KLF12: variants seen among roughly 807,000 people sequenced by gnomAD.
The protein encoded by KLF12 is KLF transcription factor 12.
KLF12 carries 9 observed loss-of-function variants against 37.8 expected under a neutral mutation model. The observed-to-expected ratio is 0.24, with a 90% CI of 0.14 to 0.42. The LOEUF is 0.42. KLF12 is among the 10% of genes least tolerant of loss of function. The pLI, the probability that KLF12 is intolerant of heterozygous loss-of-function variation, is 1.00. For missense variants in KLF12, 411 were observed against 516.0 expected (o/e 0.80, Z 1.97); for synonymous variants, 208 against 202.1 (o/e 1.03, Z -0.25).
the KLF12 span, among the ~76,000 whole-genome samples, chr13:74,190,722 A>T: frequency 6.6e-6 from 1 of 152,206 alleles, no homozygotes. Context: ...GTTTATATGC[A>T]TCATTGATTA....
chr13:73,907,538 A>G (rs754601545), intron 3 of KLF12, among the ~76,000 whole-genome samples: 2 of 152,194 alleles, frequency 1.3e-5, no homozygotes, highest in African/African-American at 2.4e-5. Context: ...ACACAAAATG[A>G]TACTTAATTA....
At chr13:74,037,039 A>G (rs1243465540) in intron 1 of KLF12, among the ~76,000 whole-genome samples, 1 of 151,964 alleles carries the variant, frequency 6.6e-6, no homozygotes, top group Non-Finnish European at 1.5e-5. Context: ...CCCCGTCTCT[A>G]CTGAAAATAA....
intron 1 of KLF12, among the ~76,000 whole-genome samples, chr13:74,070,144 C>G (rs1593874115): frequency 6.6e-6 from 1 of 152,126 alleles, no homozygotes; most frequent in Non-Finnish European, 1.5e-5. Flanking sequence ...AATTTAGAGA[C>G]AAGAAGGAGA....
intron 6 of KLF12, 115 bp from the exon 7 acceptor site, chr13:73,715,640 G>T (rs1247444062): frequency 2.0e-6 from 2 of 1,010,896 alleles, no homozygotes; most frequent in Non-Finnish European, 2.9e-6. Context: ...AGGCCACCAT[G>T]ACCACAGTTC....
At chr13:73,787,821 G>A (rs1881447033) in intron 5 of KLF12, among the ~76,000 whole-genome samples, 1 of 151,950 alleles carries the variant, frequency 6.6e-6, no homozygotes, top group African/African-American at 2.4e-5. Flanking sequence ...AAAGTACGTA[G>A]TACATTTTTT....
At chr13:74,031,959 A>AT (rs1297739573) in intron 1 of KLF12, among the ~76,000 whole-genome samples, 2 of 152,132 alleles carry the variant, frequency 1.3e-5, no homozygotes, top group African/African-American at 4.8e-5. Flanking sequence ...TTTGGGAATT[A>AT]TTATAAGAGA....
chr13:73,869,378 T>C (rs1251653905), intron 3 of KLF12, among the ~76,000 whole-genome samples: 2 of 152,174 alleles, frequency 1.3e-5, no homozygotes, highest in East Asian at 1.9e-4. Context: ...AATACATTTG[T>C]TGTGATTTCT....
At chr13:73,835,691 T>A (rs1884393095) in intron 4 of KLF12, among the ~76,000 whole-genome samples, 1 of 152,156 alleles carries the variant, frequency 6.6e-6, no homozygotes, top group Admixed American at 6.5e-5. Context: ...TATTTCAGCA[T>A]GACTAGTATA....
At chr13:74,279,519 A>T in the KLF12 span, among the ~76,000 whole-genome samples, 20 of 146,752 alleles carry the variant, frequency 1.4e-4, no homozygotes, top group Admixed American at 4.8e-4. Flanking sequence ...AATTTTGTTC[A>T]TTTTTTTTTT....
At chr13:73,758,162 G>A (rs1458823131) in intron 6 of KLF12, among the ~76,000 whole-genome samples, 2 of 152,086 alleles carry the variant, frequency 1.3e-5, no homozygotes, top group Middle Eastern at 3.4e-3. Context: ...AGTCTCTCAA[G>A]TCTCTGGGAT....
intron 7 of KLF12, among the ~76,000 whole-genome samples, chr13:73,712,993 A>T (rs1449493097): frequency 6.6e-6 from 1 of 152,200 alleles, no homozygotes; most frequent in Non-Finnish European, 1.5e-5. Flanking sequence ...AACCCACAGG[A>T]TCTTTGAGGT....
chr13:73,794,795 A>C (rs1488803348), intron 5 of KLF12, among the ~76,000 whole-genome samples: 2 of 152,208 alleles, frequency 1.3e-5, no homozygotes, highest in Non-Finnish European at 2.9e-5. Flanking sequence ...AAGATCATGA[A>C]GGGATGTTTA....
At chr13:73,957,216 TA>T (rs68101645) in intron 2 of KLF12, among the ~76,000 whole-genome samples, 110,748 of 151,808 alleles carry the variant, frequency 0.73, 41,167 homozygotes, top group East Asian at 0.89. Context: ...ACACCTGATA[TA>T]AAAATCATAC....
At chr13:74,032,741 T>C (rs1008425107) in intron 1 of KLF12, among the ~76,000 whole-genome samples, 1 of 152,136 alleles carries the variant, frequency 6.6e-6, no homozygotes, top group Non-Finnish European at 1.5e-5. Flanking sequence ...TCCTGAAGTT[T>C]TGTATCTACA....
At chr13:73,814,322 T>C (rs1305768780) in intron 4 of KLF12, among the ~76,000 whole-genome samples, 2 of 152,138 alleles carry the variant, frequency 1.3e-5, no homozygotes, top group Non-Finnish European at 2.9e-5. Flanking sequence ...CATAATTTCA[T>C]TTTTTTGGTC....
rs886551649 is a variant in KLF12 at position 74,083,323 on chromosome 13, T to C, written c.-32+50416A>G. Among the ~76,000 whole-genome samples the C allele has an allele frequency of 5.9e-5, 9 of 152,080 alleles. No homozygotes were observed. In the South Asian group the frequency reaches 1.2e-3, roughly 21 times the overall value. The stretch of plus-strand genomic sequence containing the variant: ...AGCCCAGAGACCAGACTGGGTAACA[T>C]GGCAAAACACTGTGTCTAAAAAGTG... On this transcript the variant is annotated intron_variant, in intron 1 of 7. Coordinates refer to ENST00000377669, the MANE Select transcript of KLF12 (RefSeq NM_007249.5).
chr13:73,837,497 C>A (rs1210180236), intron 4 of KLF12, among the ~76,000 whole-genome samples: 1 of 152,074 alleles, frequency 6.6e-6, no homozygotes, highest in Admixed American at 6.6e-5. Context: ...TAAAAATAAA[C>A]CACAAATCAC....
intron 4 of KLF12, among the ~76,000 whole-genome samples, chr13:73,838,320 C>T (rs958863650): frequency 6.6e-6 from 1 of 152,186 alleles, no homozygotes; most frequent in Non-Finnish European, 1.5e-5. Context: ...AATTAGTCTA[C>T]AGCCACATCC....
chr13:73,695,757 T>C, intron 7 of KLF12, 86 bp from the exon 8 acceptor site: 1 of 1,241,686 alleles, frequency 8.1e-7, no homozygotes, highest in Non-Finnish European at 1.1e-6. Context: ...GGGAAACTGG[T>C]GTTCTCAATG....
Sources: gnomAD v4.1 joint callset for allele counts (sites outside exome capture counted in the v4.1 genomes callset) on GRCh38, gnomAD v4.1.1 for gene constraint, MANE v1.5 for transcripts, NCBI Gene and HGNC (gene_info 2026-07-23, HGNC 2026-07-21) for gene names.